Variants in TSPAN10 observed in about 807,000 individuals in gnomAD.
The protein encoded by TSPAN10 is tetraspanin 10, also known as tetraspanin-10.
In TSPAN10, 11 loss-of-function variants were observed where a neutral mutation model predicts 15.0. That is an observed-to-expected ratio of 0.73 (90% CI 0.46 to 1.21). The LOEUF (loss-of-function observed/expected upper bound fraction) is 1.21. Ranked by LOEUF, TSPAN10 falls within the 50% of genes most tolerant of loss-of-function variation. TSPAN10 has a pLI of 0.00. For synonymous variants in TSPAN10, 241 were observed against 226.2 expected (o/e 1.07, Z -0.59); for missense variants, 486 against 470.6 (o/e 1.03, Z -0.30).
chr17:81,645,032 C>A (rs1170211393), exon 2 of TSPAN10: 3 of 1,596,412 alleles, frequency 1.9e-6, no homozygotes, highest in African/African-American at 1.3e-5. Flanking sequence ...CACAGGCCAC[C>A]CACCTCAGGC....
At chr17:81,642,544 GCCCCT>G in intron 1 of TSPAN10, 96 bp downstream of exon 2, 1 of 1,251,846 alleles carries the variant, frequency 8.0e-7, no homozygotes, top group Non-Finnish European at 1.1e-6. Flanking sequence ...ACCCACCCCT[GCCCCT>G]GGTGCCACCC....
intron 2 of TSPAN10, 162 bp from the exon 4 acceptor site, chr17:81,647,733 TGTGTCC>T: frequency 2.9e-6 from 2 of 690,780 alleles, no homozygotes; most frequent in Admixed American, 4.9e-5. Flanking sequence ...AGGTGCTGTG[TGTGTCC>T]GTGTGTGCAG....
upstream of TSPAN10, chr17:81,638,675 G>A (rs1386489272): frequency 5.9e-5 from 9 of 152,336 alleles, no homozygotes; most frequent in African/African-American, 9.7e-5. Flanking sequence ...TGGGTCAGAG[G>A]TGAAATGATA....
chr17:81,644,243 C>A (rs1183202165), intron 1 of TSPAN10, among the ~76,000 whole-genome samples: 1 of 152,128 alleles, frequency 6.6e-6, no homozygotes, highest in Non-Finnish European at 1.5e-5. Context: ...GAGAGACCAG[C>A]AAGCCTTTCC....
At chr17:81,641,000 C>G (rs1441654325), upstream of TSPAN10, among the ~76,000 whole-genome samples, 1 of 151,890 alleles carries the variant, frequency 6.6e-6, no homozygotes, top group East Asian at 2.0e-4. Context: ...TGGTGAAACC[C>G]CATCTCTACT....
intron 2 of TSPAN10, chr17:81,645,874 CAAAA>C: frequency 1.6e-6 from 1 of 615,646 alleles, no homozygotes; most frequent in Non-Finnish European, 2.9e-6. Flanking sequence ...TGTGCACACA[CAAAA>C]CAGCCTCACA....
At chr17:81,646,688 A>AAAAC (rs2036258648) in intron 2 of TSPAN10, 1 of 151,388 alleles carries the variant, frequency 6.6e-6, no homozygotes. Context: ...TCAAAAAAAA[A>AAAAC]AAAGAAAAGA....
At chr17:81,638,078 A>C, upstream of TSPAN10, 1 of 107,642 alleles carries the variant, frequency 9.3e-6, no homozygotes, top group South Asian at 4.0e-4. Context: ...AATTACATTA[A>C]TTGATTAAAT....
chr17:81,642,928 G>A (rs2036193094), intron 1 of TSPAN10, among the ~76,000 whole-genome samples: 1 of 151,796 alleles, frequency 6.6e-6, no homozygotes, highest in Non-Finnish European at 1.5e-5. Flanking sequence ...GAGGAGGGAA[G>A]ATTGCGTGAG....
chr17:81,642,219 AT>A, upstream of TSPAN10: 1 of 549,972 alleles, frequency 1.8e-6, no homozygotes. Context: ...CTAAAATGTG[AT>A]TCTTCACATG....
chr17:81,640,067 C>T (rs1180843430), upstream of TSPAN10, among the ~76,000 whole-genome samples: 4 of 152,228 alleles, frequency 2.6e-5, no homozygotes, highest in Admixed American at 2.6e-4. Context: ...ACTGTAGCCT[C>T]GACTTCCCAG....
intron 1 of TSPAN10, among the ~76,000 whole-genome samples, chr17:81,644,500 G>T (rs907590708): frequency 6.6e-6 from 1 of 152,224 alleles, no homozygotes; most frequent in Non-Finnish European, 1.5e-5. Context: ...GCCAGCCCCT[G>T]TGGCTGGTGA....
chr17:81,645,929 CGT>C (rs772196133), intron 2 of TSPAN10: 87 of 547,524 alleles, frequency 1.6e-4, no homozygotes, highest in Middle Eastern at 1.4e-3. Context: ...CATACACACA[CGT>C]GTCATGCACA....
upstream of TSPAN10, chr17:81,638,924 A>C (rs1305053301): frequency 6.6e-6 from 1 of 152,116 alleles, no homozygotes; most frequent in African/African-American, 2.4e-5. Flanking sequence ...TCTTATGGCT[A>C]ATTTGTTAGT....
upstream of TSPAN10, chr17:81,642,376 G>T (rs762343215): frequency 1.2e-6 from 2 of 1,613,396 alleles, no homozygotes; most frequent in African/African-American, 2.7e-5. Flanking sequence ...ACCTCTCCCG[G>T]CGCCTGTGCT....
At chr17:81,645,418 G>C in exon 2 of TSPAN10, 1 of 1,603,008 alleles carries the variant, frequency 6.2e-7, no homozygotes, top group Non-Finnish European at 8.5e-7. Context: ...TGGCTTCTCT[G>C]GGGGCATCCT....
intron 2 of TSPAN10, chr17:81,646,506 C>G (rs2036255348): frequency 1.3e-5 from 2 of 151,696 alleles, no homozygotes; most frequent in African/African-American, 2.4e-5. Context: ...GATGAAACCC[C>G]GTCTCTACTA....
upstream of TSPAN10, among the ~76,000 whole-genome samples, chr17:81,641,889 C>G (rs374376080): frequency 1.3e-5 from 2 of 151,466 alleles, no homozygotes; most frequent in Non-Finnish European, 2.9e-5. Flanking sequence ...AAAACAAAAA[C>G]AAGGAGGTGA....
chr17:81,637,498 G>C (rs983487990), upstream of TSPAN10: 2 of 660,448 alleles, frequency 3.0e-6, no homozygotes, highest in Admixed American at 2.3e-5. Flanking sequence ...AAAAACAAAC[G>C]AGTTTAAACT....
Sources: gnomAD v4.1 joint callset for allele counts (sites outside exome capture counted in the v4.1 genomes callset) on GRCh38, gnomAD v4.1.1 for gene constraint, MANE v1.5 for transcripts, NCBI Gene and HGNC (gene_info 2026-07-23, HGNC 2026-07-21) for gene names.